The following NPHP4 variants were observed in gnomAD, a reference collection of about 807,000 sequenced individuals.
NPHP4 encodes nephrocystin 4.
NPHP4 carries 151 observed loss-of-function variants against 155.8 expected under a neutral mutation model. The observed-to-expected ratio is 0.97, with a 90% CI of 0.85 to 1.11. NPHP4 has a LOEUF of 1.11. NPHP4 is among the 50% of genes least tolerant of loss of function. The pLI is 0.00. For missense variants in NPHP4, 1,956 were observed against 1,925.7 expected (o/e 1.02, Z -0.29); for synonymous variants, 845 against 816.8 (o/e 1.03, Z -0.59).
chr1:5,887,547 C>T, intron 17 of NPHP4, 81 bp from the exon 18 acceptor site: 1 of 1,473,978 alleles, frequency 6.8e-7, no homozygotes, highest in Non-Finnish European at 9.3e-7. Flanking sequence ...AGGCTGCTCC[C>T]CAGCCCAGCA....
Position 5,909,187 on chromosome 1 carries a change from G to C in NPHP4, c.1468C>G (p.Leu490Val). ...ACAGGTGAGTTCTGCGGGGCAGCGA[G>C]AACTCGAGGTACTGGCGCTGGCGGG... Reference protein sequence around the residue: ...SSPPAPVPRVLAAPQNSPVGP... With the variant: ...SSPPAPVPRVVAAPQNSPVGP... The change falls in exon 12 of 30, where the codon CTC (leucine) becomes GTC (valine). Residue 490 changes from leucine (L) to valine (V), a missense_variant. By Grantham distance (32) the Leu-to-Val change is conservative (BLOSUM62 1). Coordinates refer to ENST00000378156, the MANE Select transcript of NPHP4 (RefSeq NM_015102.5). The C allele has an allele frequency of 6.2e-7, 1 of 1,604,196 alleles. No homozygotes were observed. The highest frequency in any genetic ancestry group is 1.3e-5 in the African/African-American group (1 of 74,902).
rs998113994 is a variant in NPHP4, at chr1:5,890,733, G to A, written c.2304+135C>T. 10 of 637,644 alleles carry A rather than the reference G, an allele frequency of 1.6e-5. No homozygotes were observed. Among genetic ancestry groups the A allele is most frequent in the African/African-American group, 1.3e-4 (7 of 54,264 alleles). The allele number at this position is 637,644 out of a possible 1,614,324, so 39.5% of individuals were successfully genotyped here. On this transcript the variant is annotated intron_variant, in intron 17 of 29. Transcript: ENST00000378156. The surrounding 1 kb of genome is among the most constrained non-coding windows in gnomAD (Gnocchi z 4.9). ...CAGAGAATGCAGCACTATTTTTAAC[G>A]AGTGAACAAAGAAGGTCAAACAAGT...
intron 5 of NPHP4, among the ~76,000 whole-genome samples, chr1:5,964,939 A>ATTTTTTTTTT (rs1232148646): frequency 0.027 from 1,653 of 62,312 alleles, 74 homozygotes; most frequent in Middle Eastern, 0.034. Context: ...ATATATATAT[A>ATTTTTTTTTT]TATTTTTTTT....
In NPHP4 at chr1:5,907,121, G is replaced by A; in HGVS notation, c.1605C>T (p.Ala535=). 1.3e-6 allele frequency: 2 copies of A among 1,530,370 alleles called. No homozygotes were observed. 94.8% of individuals were successfully genotyped at this position (1,530,370 alleles called of 1,614,324 possible). A position where few individuals can be genotyped will look rare whatever the true frequency, so the allele number is the denominator to read the frequency against. The change falls in exon 13 of 30, where the codon GCC becomes GCT. Residue 535 remains alanine (A), a synonymous_variant. Transcript: ENST00000378156. ...GCAGGTGGGCGGCACTTACTGCCTG[G>A]GCCGGGGAGGCCTGAGAGCCATGGG... ...QLPHGSQASP[A]QAQEFPLEAG... is the part of the protein sequence containing the mutation.
intron 3 of NPHP4, among the ~76,000 whole-genome samples, chr1:5,971,736 G>A (rs965734443): frequency 2.6e-5 from 4 of 152,018 alleles, no homozygotes; most frequent in Non-Finnish European, 5.9e-5. Context: ...GAAACTTAAC[G>A]AGCGCCACTG....
chr1:5,972,248 G>T (rs777519591), intron 3 of NPHP4, among the ~76,000 whole-genome samples: 16 of 152,218 alleles, frequency 1.1e-4, no homozygotes, highest in Non-Finnish European at 2.1e-4. Context: ...CTTCAGCCAG[G>T]CAAACAATGC....
rs2100776426 is a variant in NPHP4, at chr1:5,882,794, CCCTCAAGT to C, written c.2486-2563_2486-2556del. On this transcript the variant is annotated intron_variant, in intron 18 of 29. Transcript: ENST00000378156. This position sits in a 1 kb window ranked among gnomAD's most constrained non-coding sequence, Gnocchi z 5.1. ...ATGCTTCGCAGGGGTCTCCAGCTTC[CCCTCAAGT>C]TAAAGCCTGCACCCTCCCAGTGGAG... 1 of 152,622 alleles carries C rather than the reference CCCTCAAGT, an allele frequency of 6.6e-6. No individual in the cohort carries two copies. Among genetic ancestry groups the C allele is most frequent in the African/African-American group, 2.4e-5 (1 of 41,570 alleles). The allele number at this position is 152,622 out of a possible 1,614,324, so 9.5% of individuals were successfully genotyped here. A position where few individuals can be genotyped will look rare whatever the true frequency, so the allele number is the denominator to read the frequency against.
chr1:5,961,223 G>A (rs752471578), intron 6 of NPHP4, among the ~76,000 whole-genome samples: 1 of 152,150 alleles, frequency 6.6e-6, no homozygotes, highest in Non-Finnish European at 1.5e-5. Context: ...GACAGAAAGC[G>A]GAAGGGTGGC....
intron 11 of NPHP4, among the ~76,000 whole-genome samples, chr1:5,926,964 T>C (rs979547950): frequency 6.6e-6 from 1 of 152,202 alleles, no homozygotes; most frequent in Non-Finnish European, 1.5e-5. Flanking sequence ...CCCATACTCA[T>C]TCAGGTGGAC....
chr1:5,975,692 C>T (rs964931138), intron 3 of NPHP4, among the ~76,000 whole-genome samples: 1 of 152,198 alleles, frequency 6.6e-6, no homozygotes, highest in Non-Finnish European at 1.5e-5. Context: ...TCCTAGTCTC[C>T]CTAACACATC....
intron 9 of NPHP4, among the ~76,000 whole-genome samples, chr1:5,945,786 T>A (rs1391863355): frequency 6.6e-6 from 1 of 152,220 alleles, no homozygotes; most frequent in East Asian, 1.9e-4. Context: ...ATCTGCAGTT[T>A]CAGTGACCCT....
chr1:5,897,527 GC>G, intron 16 of NPHP4, among the ~76,000 whole-genome samples: 1 of 152,280 alleles, frequency 6.6e-6, no homozygotes, highest in East Asian at 1.9e-4. Context: ...GTCGCTCCCG[GC>G]ATTCAAGAAC....
At chr1:5,952,202 T>G (rs1162171033) in intron 7 of NPHP4, among the ~76,000 whole-genome samples, 2 of 151,946 alleles carry the variant, frequency 1.3e-5, no homozygotes, top group Admixed American at 1.3e-4. Flanking sequence ...GGGCCCAAGG[T>G]GGGTGAGATG....
At chr1:5,950,600 T>G (rs1435982788) in intron 7 of NPHP4, among the ~76,000 whole-genome samples, 3 of 152,158 alleles carry the variant, frequency 2.0e-5, no homozygotes, top group South Asian at 2.1e-4. Flanking sequence ...AAAAGAGGTT[T>G]GAAAATGTCT....
chr1:5,964,941 A>ATATTTTTTTTTTTTTTTTTT, intron 5 of NPHP4, among the ~76,000 whole-genome samples: 3 of 59,424 alleles, frequency 5.0e-5, no homozygotes, highest in African/African-American at 1.7e-4. Context: ...ATATATATAT[A>ATATTTTTTTTTTTTTTTTTT]TTTTTTTTTT....
intron 11 of NPHP4, among the ~76,000 whole-genome samples, chr1:5,926,273 T>C (rs1184636017): frequency 6.6e-6 from 1 of 152,214 alleles, no homozygotes; most frequent in East Asian, 1.9e-4. Flanking sequence ...TACTTAATGA[T>C]GTAGTTTGTC....
chr1:5,888,383 G>A, intron 17 of NPHP4: 2 of 1,096,216 alleles, frequency 1.8e-6, no homozygotes, highest in Non-Finnish European at 2.2e-6. Context: ...TGTGGGAGCA[G>A]ATGAGGTTCC....
chr1:5,923,187 C>T (rs1231514480), intron 11 of NPHP4, among the ~76,000 whole-genome samples: 3 of 152,192 alleles, frequency 2.0e-5, no homozygotes, highest in South Asian at 4.2e-4. Flanking sequence ...ATGATCGGCC[C>T]CGGTGGGGAT....
chr1:5,883,579 G>A (rs1218242998), intron 18 of NPHP4, among the ~76,000 whole-genome samples: 7 of 152,246 alleles, frequency 4.6e-5, no homozygotes, highest in African/African-American at 1.7e-4. Context: ...AGAAGGAGGG[G>A]CCTCCCAGGC....
Sources: gnomAD v4.1 joint callset for allele counts (sites outside exome capture counted in the v4.1 genomes callset) on GRCh38, gnomAD v4.1.1 for gene constraint, Gnocchi (gnomAD v3.1) non-coding constraint, MANE v1.5 for transcripts, NCBI Gene and HGNC (gene_info 2026-07-23, HGNC 2026-07-21) for gene names.